Variants in PIK3AP1 observed in about 807,000 individuals in gnomAD.
PIK3AP1 encodes the protein phosphoinositide 3-kinase adapter protein 1.
A neutral mutation model predicts 88.1 loss-of-function variants in PIK3AP1; 21 were observed. The observed-to-expected ratio is 0.24, with a 90% CI of 0.17 to 0.34. The LOEUF is 0.34. Ranked by LOEUF, PIK3AP1 falls within the 10% of genes least tolerant of loss-of-function variation. The pLI, the probability that PIK3AP1 is intolerant of heterozygous loss-of-function variation, is 1.00. For missense variants in PIK3AP1, 828 were observed against 1,035.7 expected, an observed-to-expected ratio of 0.80 and a Z score of 2.75; for synonymous variants, 398 against 400.0, an observed-to-expected ratio of 1.00 and a Z score of 0.06.
At chr10:96,665,466 A>G (rs1843748257) in intron 2 of PIK3AP1, among the ~76,000 whole-genome samples, 1 of 151,942 alleles carries the variant, frequency 6.6e-6, no homozygotes, top group Non-Finnish European at 1.5e-5. Flanking sequence ...TCTTTTTTAT[A>G]TTGTGTTTAA....
intron 10 of PIK3AP1, among the ~76,000 whole-genome samples, chr10:96,625,006 T>A (rs1463213599): frequency 6.6e-6 from 1 of 152,144 alleles, no homozygotes; most frequent in African/African-American, 2.4e-5. Flanking sequence ...AGGATTCAAG[T>A]GCAAGTTGTC....
At chr10:96,652,646 AG>A (rs1350331908) in intron 4 of PIK3AP1, 51 bp downstream of exon 4, 1 of 1,590,598 alleles carries the variant, frequency 6.3e-7, no homozygotes, top group African/African-American at 1.3e-5. Flanking sequence ...GTGACAGCAT[AG>A]CAAATAAGCA....
At chr10:96,669,638 A>G (rs1170727804) in intron 2 of PIK3AP1, 1 of 152,100 alleles carries the variant, frequency 6.6e-6, no homozygotes, top group Admixed American at 6.6e-5. Flanking sequence ...CAAAAATACA[A>G]AAAATTAGCT....
intron 1 of PIK3AP1, among the ~76,000 whole-genome samples, chr10:96,718,328 T>C (rs1433876783): frequency 6.6e-6 from 1 of 152,212 alleles, no homozygotes; most frequent in Non-Finnish European, 1.5e-5. Flanking sequence ...AAGCTGCTTT[T>C]AAAAGAAAAG....
At chr10:96,600,124 A>C (rs558707929) in intron 16 of PIK3AP1, among the ~76,000 whole-genome samples, 12 of 152,136 alleles carry the variant, frequency 7.9e-5, no homozygotes, top group Non-Finnish European at 1.8e-4. Flanking sequence ...TCCTCCCCTA[A>C]TACTGAGACT....
intron 2 of PIK3AP1, among the ~76,000 whole-genome samples, chr10:96,704,589 A>T (rs748224607): frequency 9.2e-5 from 14 of 152,232 alleles, no homozygotes; most frequent in South Asian, 2.1e-4. Context: ...ATGGTGGTGC[A>T]TGCCTGTAAT....
At chr10:96,652,038 C>T (rs939653535) in intron 4 of PIK3AP1, among the ~76,000 whole-genome samples, 2 of 151,976 alleles carry the variant, frequency 1.3e-5, no homozygotes, top group African/African-American at 4.8e-5. Context: ...TGTGTTTCTG[C>T]CACATTGGGG....
chr10:96,604,344 ATTTTTTTTTTTTT>A (rs66487275), intron 14 of PIK3AP1, among the ~76,000 whole-genome samples: 23 of 77,128 alleles, frequency 3.0e-4, no homozygotes, highest in South Asian at 1.1e-3. Context: ...CACCTAGCCA[ATTTTTTTTTTTTT>A]TTTTTTTTTT....
chr10:96,603,997 C>T lies in PIK3AP1; in HGVS notation c.2223G>A (p.Gly741=), dbSNP rs1445505943. The T allele has an allele frequency of 6.2e-6, 10 of 1,607,396 alleles. No individual in the cohort carries two copies. Among genetic ancestry groups the T allele is most frequent in the African/African-American group, 1.3e-5 (1 of 74,782 alleles). The change falls in exon 15 of 17, where the codon GGG becomes GGA. Residue 741 remains glycine (G), a synonymous_variant. Transcript: ENST00000339364. ...STRSLLSVSS[G]MEGDNEDNEV... ...CTCTCACCTCGTTGTCCCCTTCCAT[C>T]CCGCTGCTCACACTGAGGAGGCTCC...
rs139562707 is a variant in PIK3AP1 at position 96,627,251 on chromosome 10, G to A, written c.1472-346C>T. 2.8e-4 allele frequency among the ~76,000 whole-genome samples: 42 copies of A among 152,328 alleles called. No homozygotes were observed. The Middle Eastern group carries it at 0.01, about 37-fold the overall frequency. On this transcript the variant is annotated intron_variant, in intron 9 of 16. Coordinates refer to ENST00000339364, the MANE Select transcript of PIK3AP1 (RefSeq NM_152309.3). ...AAGCCCTAGTTAAGAAAGGTGGGGC[G>A]TTCACTGCCAACTGTCCAATAAAAG... is the stretch of plus-strand genomic sequence containing the variant.
At chr10:96,629,432 A>G (rs1843206850) in intron 8 of PIK3AP1, among the ~76,000 whole-genome samples, 1 of 152,114 alleles carries the variant, frequency 6.6e-6, no homozygotes, top group African/African-American at 2.4e-5. Flanking sequence ...AAAATCTGAC[A>G]TAAAGGAATA....
At chr10:96,607,724 G>C (rs1849026251) in intron 14 of PIK3AP1, among the ~76,000 whole-genome samples, 1 of 152,142 alleles carries the variant, frequency 6.6e-6, no homozygotes. Flanking sequence ...CGTGTAGAGA[G>C]GCCCCGGAGG....
At chr10:96,595,688 C>T (rs962683661) in intron 16 of PIK3AP1, 54 bp from the exon 17 acceptor site, 2 of 1,561,406 alleles carry the variant, frequency 1.3e-6, no homozygotes, top group Non-Finnish European at 1.8e-6. Context: ...TTAAACAGTT[C>T]TTAGGAATGC....
At chr10:96,699,015 TAAA>T (rs1267415423) in intron 2 of PIK3AP1, among the ~76,000 whole-genome samples, 1 of 150,456 alleles carries the variant, frequency 6.6e-6, no homozygotes, top group Non-Finnish European at 1.5e-5. Flanking sequence ...CCATCTCTAC[TAAA>T]AAAAAACCCC....
At chr10:96,610,790 A>G (rs1442309708) in intron 13 of PIK3AP1, among the ~76,000 whole-genome samples, 1 of 152,186 alleles carries the variant, frequency 6.6e-6, no homozygotes, top group East Asian at 1.9e-4. Context: ...TCTGATGAGT[A>G]GAAAAAAAGT....
At chr10:96,622,354 C>A (rs755502094) in intron 11 of PIK3AP1, among the ~76,000 whole-genome samples, 3 of 152,238 alleles carry the variant, frequency 2.0e-5, no homozygotes, top group Non-Finnish European at 4.4e-5. Flanking sequence ...TCGCAGCGAC[C>A]ATGGGGCCAC....
intron 12 of PIK3AP1, among the ~76,000 whole-genome samples, chr10:96,619,710 A>G (rs1289276316): frequency 6.6e-6 from 1 of 152,174 alleles, no homozygotes; most frequent in Non-Finnish European, 1.5e-5. Context: ...AAAGCTTCAA[A>G]CTATACAGGT....
chr10:96,617,635 G>C (rs1228338822), intron 12 of PIK3AP1, among the ~76,000 whole-genome samples: 1 of 152,188 alleles, frequency 6.6e-6, no homozygotes, highest in African/African-American at 2.4e-5. Flanking sequence ...AGCTGACATG[G>C]GGATGTGGCT....
intron 2 of PIK3AP1, among the ~76,000 whole-genome samples, chr10:96,683,105 A>G (rs745874916): frequency 1.3e-5 from 2 of 152,236 alleles, no homozygotes; most frequent in African/African-American, 2.4e-5. Context: ...GCCCTGAGAT[A>G]ACAACTGCAA....
Sources: allele counts gnomAD v4.1 joint callset (sites outside exome capture counted in the v4.1 genomes callset), GRCh38; gene constraint gnomAD v4.1.1; transcripts MANE v1.5; gene names NCBI Gene and HGNC (gene_info 2026-07-23, HGNC 2026-07-21).